Variants in TMEM163 observed in about 807,000 individuals in gnomAD.
TMEM163 encodes the protein transmembrane protein 163.
Under a neutral mutation model 29.3 loss-of-function variants are expected in TMEM163, and 17 were observed. The observed-to-expected ratio is 0.58, with a 90% CI of 0.40 to 0.87. The LOEUF is 0.87. Ranked by LOEUF, TMEM163 falls within the 40% of genes least tolerant of loss-of-function variation. The pLI is 0.00. For synonymous variants in TMEM163, 157 were observed against 160.6 expected (o/e 0.98, Z 0.17); for missense variants, 303 against 381.5 (o/e 0.79, Z 1.71).
At chr2:134,598,920 CAAAAAAA>C (rs796382637) in intron 2 of TMEM163, among the ~76,000 whole-genome samples, 1 of 65,924 alleles carries the variant, frequency 1.5e-5, no homozygotes, top group Non-Finnish European at 4.1e-5. Context: ...GACTCTATCT[CAAAAAAA>C]AAAAAAAAGA....
chr2:134,614,714 C>T (rs1051849865), intron 2 of TMEM163, among the ~76,000 whole-genome samples: 4 of 152,048 alleles, frequency 2.6e-5, no homozygotes, highest in African/African-American at 7.2e-5. Flanking sequence ...ATTAGCCAGG[C>T]TTGGTGCCAC....
intron 2 of TMEM163, among the ~76,000 whole-genome samples, chr2:134,584,587 G>C (rs1048306102): frequency 6.7e-6 from 1 of 149,766 alleles, no homozygotes; most frequent in South Asian, 2.1e-4. Flanking sequence ...ACCCAGAAAC[G>C]TAAGTTTCTT....
chr2:134,493,932 T>C (rs1198516784), intron 5 of TMEM163, among the ~76,000 whole-genome samples: 1 of 152,168 alleles, frequency 6.6e-6, no homozygotes. Context: ...ACTAGATATG[T>C]GCAGGTCTAT....
intron 2 of TMEM163, among the ~76,000 whole-genome samples, chr2:134,559,292 A>G (rs1442612662): frequency 2.6e-5 from 4 of 152,104 alleles, no homozygotes; most frequent in African/African-American, 9.7e-5. Flanking sequence ...ATTGGACCTC[A>G]CATGTAGGGC....
At chr2:134,579,298 C>T (rs541133062) in intron 2 of TMEM163, among the ~76,000 whole-genome samples, 149 of 152,272 alleles carry the variant, frequency 9.8e-4, no homozygotes, top group African/African-American at 3.4e-3. Context: ...TCACGAAGTT[C>T]GTTTGTTTTT....
chr2:134,506,037 CT>C (rs941197456), intron 4 of TMEM163, among the ~76,000 whole-genome samples: 19 of 152,122 alleles, frequency 1.2e-4, no homozygotes, highest in Admixed American at 5.9e-4. Context: ...AGGAAAGAGA[CT>C]CCCAACACGT....
At chr2:134,507,096 G>A (rs1679841638) in intron 4 of TMEM163, among the ~76,000 whole-genome samples, 1 of 152,084 alleles carries the variant, frequency 6.6e-6, no homozygotes. Context: ...CAGGACTTTG[G>A]GAGGCCGAGG....
chr2:134,600,520 T>A (rs982004821), intron 2 of TMEM163, among the ~76,000 whole-genome samples: 1 of 152,180 alleles, frequency 6.6e-6, no homozygotes, highest in Non-Finnish European at 1.5e-5. Flanking sequence ...CTGATTCCCT[T>A]TAAGACTTGG....
chr2:134,481,425 G>C (rs1679178707), intron 5 of TMEM163, among the ~76,000 whole-genome samples: 1 of 151,558 alleles, frequency 6.6e-6, no homozygotes, highest in African/African-American at 2.4e-5. Context: ...TAGTGAACAA[G>C]TCTCAAGAGA....
intron 5 of TMEM163, chr2:134,466,503 T>C: frequency 2.7e-6 from 1 of 370,098 alleles, no homozygotes; most frequent in Non-Finnish European, 5.1e-6. Flanking sequence ...TCTGCTAAAA[T>C]GAGTAGCAGT....
In TMEM163 at chr2:134,471,343, T is replaced by G. The variant is rs7608265; in HGVS notation, c.556-5118A>C. Reference sequence around the variant, plus strand: ...TAGGGGGACCTCATAATGAGACTAGTACCCTTATAAGAAAACAGAAGATCT... The same window carrying G: ...TAGGGGGACCTCATAATGAGACTAGGACCCTTATAAGAAAACAGAAGATCT... On this transcript the variant is annotated intron_variant, in intron 5 of 7. Transcript: ENST00000281924. 5.7e-3 allele frequency among the ~76,000 whole-genome samples: 864 copies of G among 152,192 alleles called. 9 individuals are homozygous for G. The highest frequency in any genetic ancestry group is 0.02 in the African/African-American group (819 of 41,534).
chr2:134,503,816 A>G (rs1202555028), intron 4 of TMEM163, among the ~76,000 whole-genome samples: 1 of 152,168 alleles, frequency 6.6e-6, no homozygotes, highest in African/African-American at 2.4e-5. Flanking sequence ...AGGCTATGGG[A>G]CTCAGGACAT....
chr2:134,605,971 G>C (rs1400443435), intron 2 of TMEM163, among the ~76,000 whole-genome samples: 1 of 151,922 alleles, frequency 6.6e-6, no homozygotes, highest in Non-Finnish European at 1.5e-5. Flanking sequence ...AAGTCCCCCT[G>C]GGGGTGATTT....
chr2:134,690,342 G>C (rs1170593036), intron 2 of TMEM163, among the ~76,000 whole-genome samples: 1 of 151,652 alleles, frequency 6.6e-6, no homozygotes, highest in Admixed American at 6.6e-5. Flanking sequence ...CTGGAGTGCA[G>C]TGGCATGATC....
chr2:134,619,686 T>G (rs1458923824), intron 2 of TMEM163, among the ~76,000 whole-genome samples: 2 of 152,134 alleles, frequency 1.3e-5, no homozygotes, highest in African/African-American at 4.8e-5. Context: ...CCACACCTAT[T>G]CAACACTGCA....
At chr2:134,620,274 A>G (rs972190063) in intron 2 of TMEM163, among the ~76,000 whole-genome samples, 6 of 147,440 alleles carry the variant, frequency 4.1e-5, no homozygotes, top group Admixed American at 4.0e-4. Flanking sequence ...TTTTTTTTTT[A>G]AGATGGAGTT....
chr2:134,612,542 A>ACACACACACACAC (rs1682528191), intron 2 of TMEM163, among the ~76,000 whole-genome samples: 1 of 140,566 alleles, frequency 7.1e-6, no homozygotes, highest in South Asian at 2.4e-4. Flanking sequence ...GGTTTGCCCC[A>ACACACACACACAC]ACACACACAC....
intron 5 of TMEM163, among the ~76,000 whole-genome samples, chr2:134,492,509 C>G (rs1278659310): frequency 6.6e-6 from 1 of 152,194 alleles, no homozygotes; most frequent in African/African-American, 2.4e-5. Flanking sequence ...AATAATTCCT[C>G]CCTCCCTCCA....
chr2:134,696,993 C>A (rs565022418), intron 2 of TMEM163, among the ~76,000 whole-genome samples: 1 of 152,276 alleles, frequency 6.6e-6, no homozygotes, highest in South Asian at 2.1e-4. Context: ...CCAGGCTGGT[C>A]TCGAATTCCT....
Sources: gnomAD v4.1 joint callset for allele counts (sites outside exome capture counted in the v4.1 genomes callset) on GRCh38, gnomAD v4.1.1 for gene constraint, MANE v1.5 for transcripts, NCBI Gene and HGNC (gene_info 2026-07-23, HGNC 2026-07-21) for gene names.